The following MKLN1 variants were observed in gnomAD, a reference collection of about 807,000 sequenced individuals.
MKLN1 encodes muskelin.
Under a neutral mutation model 99.0 loss-of-function variants are expected in MKLN1, and 18 were observed. The observed-to-expected ratio is 0.18, with a 90% CI of 0.13 to 0.27. The LOEUF (loss-of-function observed/expected upper bound fraction) is 0.27, where lower values mean the gene tolerates loss of function less well. Among genes scored for constraint, MKLN1 ranks in the 10% least tolerant of loss-of-function variants. The pLI, the probability that MKLN1 is intolerant of heterozygous loss-of-function variation, is 1.00. For missense variants in MKLN1, 621 were observed against 875.9 expected, an observed-to-expected ratio of 0.71 and a Z score of 3.67; for synonymous variants, 288 against 293.2, an observed-to-expected ratio of 0.98 and a Z score of 0.18.
chr7:131,473,237 A>T (rs886777790), intron 16 of MKLN1, among the ~76,000 whole-genome samples: 5 of 152,148 alleles, frequency 3.3e-5, no homozygotes, highest in African/African-American at 1.2e-4. Flanking sequence ...CCACTCATTG[A>T]GAAGGGGCTT....
chr7:131,483,970 A>G (rs1305396723), intron 17 of MKLN1, among the ~76,000 whole-genome samples: 1 of 152,236 alleles, frequency 6.6e-6, no homozygotes, highest in African/African-American at 2.4e-5. Flanking sequence ...ACGCATGCAT[A>G]CACTCATATA....
intron 8 of MKLN1, among the ~76,000 whole-genome samples, chr7:131,427,684 G>A (rs1795397522): frequency 6.6e-6 from 1 of 152,068 alleles, no homozygotes; most frequent in African/African-American, 2.4e-5. Flanking sequence ...CTCCCGAATA[G>A]TTGGGATTAC....
At chr7:131,344,193 C>T (rs138062268) in intron 1 of MKLN1, among the ~76,000 whole-genome samples, 227 of 152,058 alleles carry the variant, frequency 1.5e-3, no homozygotes, top group African/African-American at 4.3e-3. Flanking sequence ...TTTTTAAGTG[C>T]CTTTTCTTTG....
chr7:131,320,668 G>T (rs1351657802), intron 3 of MKLN1, among the ~76,000 whole-genome samples: 1 of 152,050 alleles, frequency 6.6e-6, no homozygotes, highest in Non-Finnish European at 1.5e-5. Flanking sequence ...GAAAAATTTT[G>T]CAATCTACCC....
intron 3 of MKLN1, among the ~76,000 whole-genome samples, chr7:131,285,400 G>C (rs982288167): frequency 1.3e-5 from 2 of 152,196 alleles, no homozygotes; most frequent in African/African-American, 4.8e-5. Flanking sequence ...CTTTCCCCCT[G>C]GTACTGCATT....
intron 3 of MKLN1, among the ~76,000 whole-genome samples, chr7:131,238,562 A>C (rs887979534): frequency 7.2e-5 from 11 of 152,248 alleles, no homozygotes; most frequent in Non-Finnish European, 1.5e-4. Flanking sequence ...GAAAGAAAGA[A>C]GTCTGGACTA....
chr7:131,374,687 T>A (rs1174142519), intron 1 of MKLN1, among the ~76,000 whole-genome samples: 1 of 152,150 alleles, frequency 6.6e-6, no homozygotes, highest in Non-Finnish European at 1.5e-5. Context: ...AGCGGTCTTC[T>A]AAAGTTACTT....
At position 131,298,144 on chromosome 7, in the gene MKLN1, G is replaced by T. The variant is rs553460951; in HGVS notation, c.-178-77280G>T. On this transcript the variant is annotated intron_variant, in intron 3 of 7. Coordinates refer to the MKLN1 transcript ENST00000416992. Reference sequence around the variant, plus strand: ...AAATTAGCCGGGCGCGGTGGCAGGCGCCTGTAGTCCCAGATACTCGGGAGG... The same window carrying T: ...AAATTAGCCGGGCGCGGTGGCAGGCTCCTGTAGTCCCAGATACTCGGGAGG... Among the ~76,000 whole-genome samples the T allele has an allele frequency of 2.0e-5, 3 of 152,224 alleles. No homozygotes were observed. In the East Asian group the frequency reaches 5.8e-4, roughly 29 times the overall value.
intron 1 of MKLN1, among the ~76,000 whole-genome samples, chr7:131,119,130 C>G (rs1425551102): frequency 6.6e-6 from 1 of 152,230 alleles, no homozygotes; most frequent in Admixed American, 6.5e-5. Context: ...TAGTTACTTC[C>G]AAGATACGAT....
chr7:131,146,868 T>C (rs1229183389), intron 2 of MKLN1, among the ~76,000 whole-genome samples: 1 of 152,164 alleles, frequency 6.6e-6, no homozygotes, highest in African/African-American at 2.4e-5. Flanking sequence ...CAGAGGTGAA[T>C]TGGAGGATGT....
At chr7:131,268,875 C>A (rs78671789) in intron 3 of MKLN1, among the ~76,000 whole-genome samples, 214 of 152,272 alleles carry the variant, frequency 1.4e-3, no homozygotes, top group Middle Eastern at 3.4e-3. Context: ...TATTTAATGA[C>A]CAAACCTACC....
rs937519672 is a variant in MKLN1, at chr7:131,386,158, C to T, written c.169-962C>T. The stretch of plus-strand genomic sequence containing the variant: ...CCTCCTGAGTAGCTAGGATTACAGG[C>T]GACCGCCACCATGCCTGGCTAATTT... On this transcript the variant is annotated intron_variant, in intron 2 of 17. Coordinates refer to ENST00000352689, the MANE Select transcript of MKLN1 (RefSeq NM_013255.5). Among the ~76,000 whole-genome samples the T allele has an allele frequency of 3.3e-5, 5 of 151,840 alleles. No individual in the cohort carries two copies. In the South Asian group the frequency reaches 6.2e-4, roughly 19 times the overall value.
At chr7:131,138,115 A>G (rs1471879590) in intron 1 of MKLN1, among the ~76,000 whole-genome samples, 2 of 150,472 alleles carry the variant, frequency 1.3e-5, no homozygotes, top group Non-Finnish European at 3.0e-5. Flanking sequence ...AGTAGAGACA[A>G]GGTTTCTCCA....
chr7:131,355,695 CTT>C (rs1234786300), intron 1 of MKLN1, among the ~76,000 whole-genome samples: 1 of 138,618 alleles, frequency 7.2e-6, no homozygotes, highest in African/African-American at 2.9e-5. Flanking sequence ...AAACAGGTCT[CTT>C]TGGTCCAGGC....
intron 3 of MKLN1, among the ~76,000 whole-genome samples, chr7:131,251,294 G>A (rs1451989484): frequency 1.3e-5 from 2 of 152,190 alleles, no homozygotes; most frequent in Non-Finnish European, 2.9e-5. Flanking sequence ...GATATTAAAC[G>A]ACCTTATTGT....
chr7:131,416,131 A>G (rs1424463712), intron 8 of MKLN1, among the ~76,000 whole-genome samples: 1 of 152,154 alleles, frequency 6.6e-6, no homozygotes, highest in East Asian at 1.9e-4. Flanking sequence ...AGTTTGCTAT[A>G]ATAATATACT....
chr7:131,372,326 T>C (rs1432433158), intron 1 of MKLN1, among the ~76,000 whole-genome samples: 2 of 152,092 alleles, frequency 1.3e-5, no homozygotes, highest in African/African-American at 4.8e-5. Context: ...AATTCATTTT[T>C]GGGAAAAAGC....
chr7:131,494,600 C>G lies in MKLN1; in HGVS notation c.*6872C>G, dbSNP rs1304739644. The G allele has an allele frequency of 6.6e-6, 1 of 151,268 alleles. No homozygotes were observed. Among genetic ancestry groups the G allele is most frequent in the Admixed American group, 6.6e-5 (1 of 15,202 alleles). 9.4% of individuals were successfully genotyped at this position (151,268 alleles called of 1,614,324 possible). On this transcript the variant is annotated 3_prime_UTR_variant, in exon 18 of 18. Transcript: ENST00000352689. The stretch of plus-strand genomic sequence containing the variant: ...TTTTCTTGGGATTTTTTTTCCTTTC[C>G]CAGAAAAAAAAATTATTTTGGTGAC...
chr7:131,214,686 C>T (rs1222713228), intron 3 of MKLN1, among the ~76,000 whole-genome samples: 2 of 152,300 alleles, frequency 1.3e-5, no homozygotes, highest in African/African-American at 4.8e-5. Flanking sequence ...CCACCAAATG[C>T]ATGTAATTTT....
Sources: allele counts gnomAD v4.1 joint callset (sites outside exome capture counted in the v4.1 genomes callset), GRCh38; gene constraint gnomAD v4.1.1; transcripts MANE v1.5; gene names NCBI Gene and HGNC (gene_info 2026-07-23, HGNC 2026-07-21).